The following DRD1 variants were observed in gnomAD, a reference collection of about 807,000 sequenced individuals.
The protein encoded by DRD1 is D(1A) dopamine receptor.
In DRD1, 2 loss-of-function variants were observed where a neutral mutation model predicts 23.8. The observed-to-expected ratio is 0.08, with a 90% CI of 0.03 to 0.26. DRD1 has a LOEUF of 0.26. DRD1 is among the 10% of genes least tolerant of loss of function. DRD1 has a pLI of 1.00. For missense variants in DRD1, 376 were observed against 559.0 expected (o/e 0.67, Z 3.30); for synonymous variants, 218 against 225.7 (o/e 0.97, Z 0.30).
rs1178191602 is a variant in DRD1, at chr5:175,443,246, A to T, written c.-147T>A. 1.9e-6 allele frequency: 2 copies of T among 1,065,100 alleles called. No individual in the cohort carries two copies. The highest frequency in any genetic ancestry group is 2.7e-6 in the Non-Finnish European group (2 of 741,988). The allele number at this position is 1,065,100 out of a possible 1,614,324, so 66.0% of individuals were successfully genotyped here. On this transcript the variant is annotated 5_prime_UTR_variant, in exon 2 of 2. An upstream start codon of the reference 5' UTR is lost. Transcript: ENST00000393752. ...TTCCCTGGCAGAGGGCCTCACCAAC[A>T]TTCCATGAGAGGACCGCTTGAGTGG...
At position 175,443,105 on chromosome 5, in the gene DRD1, T is replaced by C; in HGVS notation, c.-6A>G. The C allele has an allele frequency of 6.2e-7, 1 of 1,611,188 alleles. No individual in the cohort carries two copies. Among genetic ancestry groups the C allele is most frequent in the Non-Finnish European group, 8.5e-7 (1 of 1,178,274 alleles). ...GAGGTGTTCAGAGTCCTCATCTTCCTAAGAGAAAGCACATCAGGGGCTCTG... is the reference window on the plus strand; with the variant it reads ...GAGGTGTTCAGAGTCCTCATCTTCCCAAGAGAAAGCACATCAGGGGCTCTG... On this transcript the variant is annotated 5_prime_UTR_variant, in exon 2 of 2. Coordinates refer to ENST00000393752, the MANE Select transcript of DRD1 (RefSeq NM_000794.5).
Position 175,441,842 on chromosome 5 carries a change from G to A in DRD1, c.1258C>T (p.Leu420=). The A allele has an allele frequency of 6.2e-7, 1 of 1,613,960 alleles. No homozygotes were observed. Among genetic ancestry groups the A allele is most frequent in the Admixed American group, 1.7e-5 (1 of 60,010 alleles). Residue 420 remains leucine, a synonymous_variant, in exon 2 of 2, where the codon CTA becomes TTA. Coordinates refer to ENST00000393752, the MANE Select transcript of DRD1 (RefSeq NM_000794.5). The part of the protein sequence containing the change: ...ARPLEKLSPA[L]SVILDYDTDV... The stretch of plus-strand genomic sequence containing the variant: ...GTGTCATAGTCCAATATGACTGATA[G>A]GGCTGGGGACAGCTTCTCCAAGGGT...
rs778108888 is a variant in DRD1 at position 175,442,580 on chromosome 5, C to T, written c.520G>A (p.Gly174Arg). 2 of 1,614,136 alleles carry T rather than the reference C, an allele frequency of 1.2e-6. No homozygotes were observed. The highest frequency in any genetic ancestry group is 1.7e-5 in the Admixed American group (1 of 60,018). The change falls in exon 2 of 2, where the codon GGA becomes AGA. Residue 174 changes from glycine (G) to arginine (R), a missense_variant. By Grantham distance (125) the Gly-to-Arg change is moderately radical. This residue lies in a region of DRD1 where 121 missense variants were observed against 239.4 expected (regional missense o/e 0.51). Transcript: ENST00000393752. This position sits in a 1 kb window ranked among gnomAD's most constrained non-coding sequence, Gnocchi z 7.3. ...HKAKPTSPSD[G>R]NATSLAETID... ...GTCTCAGCCAGGGAAGTGGCATTTCCATCAGAGGGGCTTGTGGGTTTTGCC... is the reference window on the plus strand; with the variant it reads ...GTCTCAGCCAGGGAAGTGGCATTTCTATCAGAGGGGCTTGTGGGTTTTGCC...
Position 175,443,093 on chromosome 5 carries a change from T to A in DRD1, c.7A>T (p.Thr3Ser). 1 of 1,612,926 alleles carries A rather than the reference T, an allele frequency of 6.2e-7. No homozygotes were observed. Among genetic ancestry groups the A allele is most frequent in the African/African-American group, 1.3e-5 (1 of 74,940 alleles). The change falls in exon 2 of 2, where the codon ACT (threonine) becomes TCT (serine). Residue 3 changes from threonine (T) to serine (S), a missense_variant. Thr to Ser is a moderately conservative substitution (Grantham distance 58, BLOSUM62 1). Transcript: ENST00000393752. ...CCGTCCATGGCAGAGGTGTTCAGAG[T>A]CCTCATCTTCCTAAGAGAAAGCACA... MR[T>S]LNTSAMDGTG...
chr5:175,442,806 G>T lies in DRD1; in HGVS notation c.294C>A (p.Ile98=). The change falls in exon 2 of 2, where the codon ATC becomes ATA. Residue 98 remains isoleucine, a synonymous_variant. Coordinates refer to ENST00000393752, the MANE Select transcript of DRD1 (RefSeq NM_000794.5). The surrounding 1 kb of genome is among the most constrained non-coding windows in gnomAD (Gnocchi z 7.3). ...GFWPFGSFCN[I]WVAFDIMCST... ...AGCACATGATGTCAAAGGCCACCCA[G>T]ATGTTACAGAAGGACCCAAAGGGCC... The T allele has an allele frequency of 6.2e-7, 1 of 1,614,116 alleles. No individual in the cohort carries two copies. Among genetic ancestry groups the T allele is most frequent in the Non-Finnish European group, 8.5e-7 (1 of 1,180,032 alleles).
Position 175,443,270 on chromosome 5 carries a change from G to A in DRD1, c.-171C>T, listed in dbSNP as rs1194946224. On this transcript the variant is annotated 5_prime_UTR_variant, in exon 2 of 2. Transcript: ENST00000393752. ...CATTCCATGAGAGGACCGCTTGAGT[G>A]GCAATCCAAGTCAATCCCGTGGATG... is the stretch of plus-strand genomic sequence containing the variant. 5.6e-5 allele frequency: 44 copies of A among 792,288 alleles called. No homozygotes were observed. In the South Asian group the frequency reaches 6.3e-4, roughly 11 times the overall value. 49.1% of individuals were successfully genotyped at this position (792,288 alleles called of 1,614,324 possible).
rs776880092 is a variant in DRD1 at position 175,441,790 on chromosome 5, G to T, written c.1310C>A (p.Pro437His). ...TGGGTGCTGACCGTTTTGTGTGATG[G>T]GTTGGATCTTCTCCAGAGAGACGTC... ...DTDVSLEKIQ[P>H]ITQNGQHPT The change falls in exon 2 of 2, where the codon CCC becomes CAC. Residue 437 changes from proline to histidine, a missense_variant. Pro to His is a moderately conservative substitution (Grantham distance 77). This residue lies in a region of DRD1 where 117 missense variants were observed against 126.9 expected (regional missense o/e 0.92). Coordinates refer to ENST00000393752, the MANE Select transcript of DRD1 (RefSeq NM_000794.5). 3.1e-6 allele frequency: 5 copies of T among 1,595,320 alleles called. No homozygotes were observed. Among genetic ancestry groups the T allele is most frequent in the Non-Finnish European group, 2.6e-6 (3 of 1,169,310 alleles).
At position 175,443,120 on chromosome 5, in the gene DRD1, CA is replaced by C. The variant is rs758790202; in HGVS notation, c.-22del. The C allele has an allele frequency of 6.2e-7, 1 of 1,602,990 alleles. No homozygotes were observed. Among genetic ancestry groups the C allele is most frequent in the East Asian group, 2.2e-5 (1 of 44,740 alleles). ...CTCATCTTCCTAAGAGAAAGCACAT[CA>C]GGGGCTCTGACACCCCTCAAGTTCC... On this transcript the variant is annotated 5_prime_UTR_variant, in exon 2 of 2. Coordinates refer to ENST00000393752, the MANE Select transcript of DRD1 (RefSeq NM_000794.5).
At position 175,441,838 on chromosome 5, in the gene DRD1, G is replaced by A. The variant is rs747757924; in HGVS notation, c.1262C>T (p.Ser421Leu). 4.3e-6 allele frequency: 7 copies of A among 1,613,694 alleles called. No individual in the cohort carries two copies. Among genetic ancestry groups the A allele is most frequent in the Middle Eastern group, 1.6e-4 (1 of 6,078 alleles). The change falls in exon 2 of 2, where the codon TCA becomes TTA. Residue 421 changes from serine (S) to leucine (L), a missense_variant. By Grantham distance (145) the Ser-to-Leu change is moderately radical. This residue lies in a region of DRD1 where 117 missense variants were observed against 126.9 expected (regional missense o/e 0.92). Coordinates refer to ENST00000393752, the MANE Select transcript of DRD1 (RefSeq NM_000794.5). Reference protein sequence around the residue: ...RPLEKLSPALSVILDYDTDVS... With the variant: ...RPLEKLSPALLVILDYDTDVS... ...GTCAGTGTCATAGTCCAATATGACT[G>A]ATAGGGCTGGGGACAGCTTCTCCAA...
In DRD1 at chr5:175,443,199, G is replaced by A; in HGVS notation, c.-100C>T. On this transcript the variant is annotated 5_prime_UTR_variant, in exon 2 of 2. Transcript: ENST00000393752. ...TTCCAGGAGTCCTCCCCACCAGGCA[G>A]CACTTTGCACAGCCAGATTGCTTCC... 6.8e-7 allele frequency: 1 copy of A among 1,478,498 alleles called. No homozygotes were observed. Among genetic ancestry groups the A allele is most frequent in the Non-Finnish European group, 9.1e-7 (1 of 1,097,514 alleles). The allele number at this position is 1,478,498 out of a possible 1,614,324, so 91.6% of individuals were successfully genotyped here. A position where few individuals can be genotyped will look rare whatever the true frequency, so the allele number is the denominator to read the frequency against.
chr5:175,440,496 C>T lies in DRD1; in HGVS notation c.*1263G>A, dbSNP rs1758503112. 6.6e-6 allele frequency: 1 copy of T among 152,554 alleles called. No individual in the cohort carries two copies. Among genetic ancestry groups the T allele is most frequent in the Admixed American group, 6.5e-5 (1 of 15,280 alleles). 9.5% of individuals were successfully genotyped at this position (152,554 alleles called of 1,614,324 possible). ...AGTATACCATTAACATTTAAAGACT[C>T]CTTTAAAAATCAGCTCTAAATTCAG... On this transcript the variant is annotated 3_prime_UTR_variant, in exon 2 of 2. Coordinates refer to ENST00000393752, the MANE Select transcript of DRD1 (RefSeq NM_000794.5).
chr5:175,441,917 C>T lies in DRD1; in HGVS notation c.1183G>A (p.Val395Met), dbSNP rs767938936. ...CNLVYLIPHAVGSSEDLKKEE... is the reference protein window; with the variant it reads ...CNLVYLIPHAMGSSEDLKKEE... Reference sequence around the variant, plus strand: ...TTTTTCAGGTCCTCAGAGGAGCCCACAGCATGTGGGATCAGGTAAACCAGA... The same window carrying T: ...TTTTTCAGGTCCTCAGAGGAGCCCATAGCATGTGGGATCAGGTAAACCAGA... The change falls in exon 2 of 2, where the codon GTG becomes ATG. Residue 395 changes from valine (V) to methionine (M), a missense_variant. Transcript: ENST00000393752. 3.1e-6 allele frequency: 5 copies of T among 1,614,150 alleles called. No individual in the cohort carries two copies. The highest frequency in any genetic ancestry group is 4.2e-6 in the Non-Finnish European group (5 of 1,180,014).
rs372040450 is a variant in DRD1 at position 175,442,989 on chromosome 5, C to A, written c.111G>T (p.Thr37=). The A allele has an allele frequency of 1.2e-6, 2 of 1,613,910 alleles. No homozygotes were observed. The highest frequency in any genetic ancestry group is 1.3e-5 in the African/African-American group (1 of 74,868). The change falls in exon 2 of 2, where the codon ACG becomes ACT. Residue 37 remains threonine, a synonymous_variant. Coordinates refer to ENST00000393752, the MANE Select transcript of DRD1 (RefSeq NM_000794.5). The surrounding 1 kb of genome is among the most constrained non-coding windows in gnomAD (Gnocchi z 7.3). ...ACFLSLLILS[T]LLGNTLVCAA... ...CACAGACCAGCGTGTTCCCCAGGAG[C>A]GTGGACAGGATGAGCAGCGACAGGA...
rs370118588 is a variant in DRD1, at chr5:175,442,209, G to A, written c.891C>T (p.Phe297=). 5.6e-6 allele frequency: 9 copies of A among 1,614,054 alleles called. No homozygotes were observed. The African/African-American group carries it at 1.1e-4, about 19-fold the overall frequency. Residue 297 remains phenylalanine (F), a synonymous_variant, in exon 2 of 2, where the codon TTC becomes TTT. Transcript: ENST00000393752. The surrounding 1 kb of genome is among the most constrained non-coding windows in gnomAD (Gnocchi z 7.3). ...PFFILNCILP[F]CGSGETQPFC... ...AGGGCTGCGTCTCCCCAGACCCACA[G>A]AAGGGCAAAATGCAGTTCAAGATGA...
rs1758559862 is a variant in DRD1 at position 175,443,466 on chromosome 5, TTC to T, written c.-369_-368del. On this transcript the variant is annotated 5_prime_UTR_variant, in exon 2 of 2. An upstream open reading frame in the 5' UTR gains an earlier in-frame stop. Coordinates refer to ENST00000393752, the MANE Select transcript of DRD1 (RefSeq NM_000794.5). ...CTCTGCTAGTCAGTTGCAATCACATTTCGGGGCTGTTGCTTTTCTGGTGGTGA... is the reference window on the plus strand; with the variant it reads ...CTCTGCTAGTCAGTTGCAATCACATTGGGGCTGTTGCTTTTCTGGTGGTGA... The T allele has an allele frequency of 4.4e-6, 1 of 226,148 alleles. No individual in the cohort carries two copies. Among genetic ancestry groups the T allele is most frequent in the South Asian group, 1.2e-4 (1 of 8,632 alleles). 14.0% of individuals were successfully genotyped at this position (226,148 alleles called of 1,614,324 possible).
rs1388541937 is a variant in DRD1, at chr5:175,442,522, G to A, written c.578C>T (p.Thr193Ile). 6.2e-7 allele frequency: 1 copy of A among 1,614,104 alleles called. No homozygotes were observed. Among genetic ancestry groups the A allele is most frequent in the Non-Finnish European group, 8.5e-7 (1 of 1,180,054 alleles). Residue 193 changes from threonine to isoleucine, a missense_variant, in exon 2 of 2, where the codon ACA becomes ATA. This residue lies in a region of DRD1 where 121 missense variants were observed against 239.4 expected (regional missense o/e 0.51). Transcript: ENST00000393752. The surrounding 1 kb of genome is among the most constrained non-coding windows in gnomAD (Gnocchi z 7.3). Reference protein sequence around the residue: ...IDNCDSSLSRTYAISSSVISF... With the variant: ...IDNCDSSLSRIYAISSSVISF... Reference sequence around the variant, plus strand: ...TATTACAGAGGATGAGATGGCATATGTCCTGCTGAGGCTGGAGTCACAGTT... The same window carrying A: ...TATTACAGAGGATGAGATGGCATATATCCTGCTGAGGCTGGAGTCACAGTT...
In DRD1 at chr5:175,442,479, C is replaced by A. The variant is rs752538302; in HGVS notation, c.621G>T (p.Val207=). The part of the protein sequence containing the change: ...SSSVISFYIP[V]AIMIVTYTRI... ...TGGTGTAGGTGACAATCATGATGGC[C>A]ACAGGGATGTAAAAGCTTATTACAG... The change falls in exon 2 of 2, where the codon GTG becomes GTT. Residue 207 remains valine, a synonymous_variant. Coordinates refer to ENST00000393752, the MANE Select transcript of DRD1 (RefSeq NM_000794.5). This position sits in a 1 kb window ranked among gnomAD's most constrained non-coding sequence, Gnocchi z 7.3. 1 of 1,614,054 alleles carries A rather than the reference C, an allele frequency of 6.2e-7. No homozygotes were observed. Among genetic ancestry groups the A allele is most frequent in the Admixed American group, 1.7e-5 (1 of 60,014 alleles).
Position 175,442,754 on chromosome 5 carries a change from C to A in DRD1, c.346G>T (p.Val116Leu). The A allele has an allele frequency of 6.2e-7, 1 of 1,614,120 alleles. No homozygotes were observed. The highest frequency in any genetic ancestry group is 8.5e-7 in the Non-Finnish European group (1 of 1,180,030). ...CSTASILNLC[V>L]ISVDRYWAIS... ...GCCCAATACCTGTCCACGCTGATCACACAGAGGTTGAGGATGGATGCAGTG... is the reference window on the plus strand; with the variant it reads ...GCCCAATACCTGTCCACGCTGATCAAACAGAGGTTGAGGATGGATGCAGTG... The change falls in exon 2 of 2, where the codon GTG becomes TTG. Residue 116 changes from valine to leucine, a missense_variant. By Grantham distance (32) the Val-to-Leu change is conservative. Coordinates refer to ENST00000393752, the MANE Select transcript of DRD1 (RefSeq NM_000794.5). This position sits in a 1 kb window ranked among gnomAD's most constrained non-coding sequence, Gnocchi z 7.3.
In DRD1 at chr5:175,441,653, C is replaced by T. The variant is rs1758519365; in HGVS notation, c.*106G>A. On this transcript the variant is annotated 3_prime_UTR_variant, in exon 2 of 2. Transcript: ENST00000393752. ...TGTTGGAAAGCAGCAGAGGGCTCTC[C>T]TGACACCTCAGAGTCTCACCGTACC... 4 of 1,405,666 alleles carry T rather than the reference C, an allele frequency of 2.8e-6. No homozygotes were observed. Among genetic ancestry groups the T allele is most frequent in the Non-Finnish European group, 1.9e-6 (2 of 1,051,296 alleles). 87.1% of individuals were successfully genotyped at this position (1,405,666 alleles called of 1,614,324 possible).
Sources: gnomAD v4.1 joint callset for allele counts on GRCh38, gnomAD v4.1.1 for gene constraint, gnomAD v4.1.1 regional missense constraint, Gnocchi (gnomAD v3.1) non-coding constraint, MANE v1.5 for transcripts, NCBI Gene and HGNC (gene_info 2026-07-23, HGNC 2026-07-21) for gene names.